CDH23: variants seen among roughly 807,000 people sequenced by gnomAD.
CDH23 encodes cadherin-23.
A neutral mutation model predicts 317.1 loss-of-function variants in CDH23; 189 were observed. The observed-to-expected ratio is 0.60, with a 90% CI of 0.53 to 0.67. The LOEUF (loss-of-function observed/expected upper bound fraction) is 0.67. CDH23 is among the 30% of genes least tolerant of loss of function. The probability of loss-of-function intolerance (pLI) is 0.00; values close to 1 mark genes in which losing one functional copy is unlikely to be tolerated. For missense variants in CDH23, 4,401 were observed against 4,592.4 expected (o/e 0.96, Z 1.20); for synonymous variants, 1,839 against 1,876.8 (o/e 0.98, Z 0.52).
At chr10:71,609,715 A>G (rs1363836699) in intron 9 of CDH23, among the ~76,000 whole-genome samples, 2 of 152,142 alleles carry the variant, frequency 1.3e-5, no homozygotes, top group Non-Finnish European at 2.9e-5. Context: ...CCAATTATAC[A>G]TGTGCCATAA....
intron 38 of CDH23, chr10:71,754,925 TTGTC>T: frequency 2.7e-6 from 1 of 367,574 alleles, no homozygotes; most frequent in Non-Finnish European, 5.6e-6. Flanking sequence ...TTGAGCTAAG[TTGTC>T]TGTAAGACCC....
intron 14 of CDH23, among the ~76,000 whole-genome samples, chr10:71,661,489 T>C (rs1319478027): frequency 6.6e-6 from 1 of 152,138 alleles, no homozygotes; most frequent in Non-Finnish European, 1.5e-5. Flanking sequence ...CTGTGCCCTC[T>C]CTACCTTCTG....
intron 69 of CDH23, among the ~76,000 whole-genome samples, chr10:71,814,670 CAAG>C (rs1842060896): frequency 6.0e-5 from 6 of 100,232 alleles, no homozygotes; most frequent in African/African-American, 2.6e-4. Context: ...ACAATTTTCA[CAAG>C]AAGCCGATAC....
chr10:71,802,391 T>C (rs10823848), intron 53 of CDH23, among the ~76,000 whole-genome samples: 50,668 of 151,982 alleles, frequency 0.33, 8,951 homozygotes, highest in East Asian at 0.62. Flanking sequence ...GGAACAAAGG[T>C]CCCATGGTTT....
intron 6 of CDH23, among the ~76,000 whole-genome samples, chr10:71,541,450 C>T (rs530922899): frequency 6.6e-6 from 1 of 152,306 alleles, no homozygotes; most frequent in South Asian, 2.1e-4. Flanking sequence ...GGGCCCTGGC[C>T]CTGGGCTAGA....
intron 6 of CDH23, among the ~76,000 whole-genome samples, chr10:71,532,729 T>G (rs1855466496): frequency 2.0e-5 from 1 of 49,712 alleles, no homozygotes; most frequent in African/African-American, 1.2e-4. Context: ...TTTTTTTTGT[T>G]TTTTTTTTTT....
At chr10:71,732,802 T>C in intron 32 of CDH23, 1 of 795,056 alleles carries the variant, frequency 1.3e-6, no homozygotes, top group Non-Finnish European at 1.6e-6. Flanking sequence ...GAAGTGTGTG[T>C]GGGGTTTTCC....
At position 71,696,648 on chromosome 10, in the gene CDH23, C is replaced by T. The variant is rs141157759; in HGVS notation, c.2397+1123C>T. On this transcript the variant is annotated intron_variant, in intron 22 of 69. Coordinates refer to ENST00000224721, the MANE Select transcript of CDH23 (RefSeq NM_022124.6). ...GTGGAAAGGAAGATAGGCATGACGG[C>T]CAATCCTTCCCTCCCTCTTTGTCCT... Among the ~76,000 whole-genome samples the T allele has an allele frequency of 2.5e-3, 388 of 152,342 alleles. 5 individuals are homozygous for T. The highest frequency in any genetic ancestry group is 8.9e-3 in the African/African-American group (371 of 41,578).
chr10:71,656,306 C>T (rs894469713), intron 14 of CDH23, among the ~76,000 whole-genome samples: 29 of 152,224 alleles, frequency 1.9e-4, no homozygotes, highest in African/African-American at 6.8e-4. Context: ...GCTTCCCTGG[C>T]TACTTCTGGG....
intron 3 of CDH23, among the ~76,000 whole-genome samples, chr10:71,466,490 G>A (rs1046050516): frequency 1.3e-5 from 2 of 152,098 alleles, no homozygotes; most frequent in South Asian, 2.1e-4. Context: ...CCCACCTCAC[G>A]GATATGCGTG....
At chr10:71,696,776 T>A (rs1865405723) in intron 22 of CDH23, among the ~76,000 whole-genome samples, 1 of 152,240 alleles carries the variant, frequency 6.6e-6, no homozygotes, top group African/African-American at 2.4e-5. Flanking sequence ...GGATCTGGAA[T>A]CTGCGATTTT....
At chr10:71,551,424 G>T (rs1320004135) in intron 6 of CDH23, among the ~76,000 whole-genome samples, 1 of 152,182 alleles carries the variant, frequency 6.6e-6, no homozygotes, top group African/African-American at 2.4e-5. Flanking sequence ...CTGTTTCTAG[G>T]TGGAAATCGA....
chr10:71,814,733 C>T (rs1271748873), intron 69 of CDH23, among the ~76,000 whole-genome samples: 1 of 151,602 alleles, frequency 6.6e-6, no homozygotes, highest in African/African-American at 2.4e-5. Flanking sequence ...CACACACACA[C>T]ACAGATTTTC....
In CDH23 at chr10:71,548,229, A is replaced by G. The variant is rs551374788; in HGVS notation, c.430-18513A>G. 2.0e-5 allele frequency among the ~76,000 whole-genome samples: 3 copies of G among 152,328 alleles called. No homozygotes were observed. In the South Asian group the frequency reaches 6.2e-4, roughly 32 times the overall value. The stretch of plus-strand genomic sequence containing the variant: ...GCCTGAGTAAATACGTGTTTGCCAC[A>G]TCACACGCAGTCATGCGGGGTGGAG... On this transcript the variant is annotated intron_variant, in intron 6 of 69. Coordinates refer to ENST00000224721, the MANE Select transcript of CDH23 (RefSeq NM_022124.6).
intron 13 of CDH23, 55 bp from the exon 14 acceptor site, chr10:71,646,404 G>A (rs1485126980): frequency 3.8e-6 from 6 of 1,596,802 alleles, no homozygotes; most frequent in Non-Finnish European, 5.1e-6. Flanking sequence ...CAGGGACAAG[G>A]ACTCTGGGAG....
intron 6 of CDH23, among the ~76,000 whole-genome samples, chr10:71,531,350 C>CATA (rs1241009723): frequency 6.6e-6 from 1 of 152,238 alleles, no homozygotes; most frequent in Non-Finnish European, 1.5e-5. Context: ...TCATTCCCTG[C>CATA]ATAAGGTCAT....
At chr10:71,594,722 C>T (rs1231858510) in intron 9 of CDH23, among the ~76,000 whole-genome samples, 1 of 152,110 alleles carries the variant, frequency 6.6e-6, no homozygotes, top group African/African-American at 2.4e-5. Context: ...GGCCTCTTGA[C>T]CTGCAAAGTT....
At chr10:71,535,311 G>A (rs1589176418) in intron 6 of CDH23, among the ~76,000 whole-genome samples, 1 of 152,142 alleles carries the variant, frequency 6.6e-6, no homozygotes, top group South Asian at 2.1e-4. Flanking sequence ...ATGTTCTACC[G>A]GGAGGAGGGT....
At chr10:71,403,397 TTCTTTC>T (rs1333634800) in intron 1 of CDH23, among the ~76,000 whole-genome samples, 12 of 93,174 alleles carry the variant, frequency 1.3e-4, no homozygotes, top group South Asian at 7.6e-4. Flanking sequence ...CTTTCTTTCT[TTCTTTC>T]TTTCTCTTCC....
Sources: allele counts gnomAD v4.1 joint callset (sites outside exome capture counted in the v4.1 genomes callset), GRCh38; gene constraint gnomAD v4.1.1; transcripts MANE v1.5; gene names NCBI Gene and HGNC (gene_info 2026-07-23, HGNC 2026-07-21).